The following SHQ1 variants were observed in gnomAD, a reference collection of about 807,000 sequenced individuals.
SHQ1 encodes the protein protein SHQ1 homolog.
A neutral mutation model predicts 53.8 loss-of-function variants in SHQ1; 49 were observed. That is an observed-to-expected ratio of 0.91 (90% CI 0.72 to 1.16). The LOEUF is 1.16. Ranked by LOEUF, SHQ1 falls within the 50% of genes most tolerant of loss-of-function variation. SHQ1 has a pLI of 0.00. For missense variants in SHQ1, 738 were observed against 683.1 expected (o/e 1.08, Z -0.90); for synonymous variants, 243 against 251.0 (o/e 0.97, Z 0.30).
chr3:72,778,823 A>G (rs1191525132), intron 10 of SHQ1, among the ~76,000 whole-genome samples: 1 of 152,212 alleles, frequency 6.6e-6, no homozygotes, highest in Admixed American at 6.5e-5. Context: ...TCCTCTAACA[A>G]AAGCCAAAAC....
the SHQ1 span, among the ~76,000 whole-genome samples, chr3:72,742,619 C>CTTTTTTTTTTTTTTTTTTTTTT: frequency 2.3e-5 from 3 of 128,612 alleles, 1 homozygote; most frequent in Non-Finnish European, 4.8e-5. Flanking sequence ...TTCTTTTTTT[C>CTTTTTTTTTTTTTTTTTTTTTT]TTTTTTTTTT....
chr3:72,742,619 C>CTTTTTTTTTT, the SHQ1 span, among the ~76,000 whole-genome samples: 15 of 128,606 alleles, frequency 1.2e-4, no homozygotes, highest in Admixed American at 2.4e-4. Context: ...TTCTTTTTTT[C>CTTTTTTTTTT]TTTTTTTTTT....
chr3:72,833,384 T>G (rs1292064575), intron 4 of SHQ1, among the ~76,000 whole-genome samples: 3 of 151,994 alleles, frequency 2.0e-5, no homozygotes, highest in Non-Finnish European at 2.9e-5. Context: ...GAGGCTGCAG[T>G]GAGCCAAGAT....
chr3:72,747,487 C>T (rs1005477944), downstream of SHQ1, among the ~76,000 whole-genome samples: 16 of 152,202 alleles, frequency 1.1e-4, no homozygotes, highest in African/African-American at 3.6e-4. Flanking sequence ...GTGAGATCTA[C>T]TGCTTTGAAA....
intron 10 of SHQ1, among the ~76,000 whole-genome samples, chr3:72,751,513 T>C (rs900366363): frequency 4.5e-5 from 6 of 131,892 alleles, no homozygotes; most frequent in East Asian, 4.2e-4. Context: ...TGTGTGTATA[T>C]ATATATATAT....
intron 10 of SHQ1, among the ~76,000 whole-genome samples, chr3:72,784,314 G>C (rs750462213): frequency 6.6e-6 from 1 of 152,100 alleles, no homozygotes; most frequent in Admixed American, 6.6e-5. Context: ...AGGAACATTT[G>C]TAATCCTGTG....
At chr3:72,843,683 C>T (rs754036494) in intron 2 of SHQ1, among the ~76,000 whole-genome samples, 19 of 152,212 alleles carry the variant, frequency 1.2e-4, no homozygotes, top group Non-Finnish European at 2.4e-4. Flanking sequence ...AAGGCAGTTT[C>T]ACTATACTTC....
the SHQ1 span, among the ~76,000 whole-genome samples, chr3:72,741,824 T>TA: frequency 9.9e-5 from 15 of 152,142 alleles, no homozygotes; most frequent in African/African-American, 3.6e-4. Context: ...TAAAATACAA[T>TA]AAAAAATGCA....
chr3:72,844,061 A>G (rs938848746), intron 2 of SHQ1, among the ~76,000 whole-genome samples: 2 of 152,242 alleles, frequency 1.3e-5, no homozygotes, highest in African/African-American at 4.8e-5. Context: ...ATGATCAATC[A>G]TTTCACATGT....
chr3:72,819,207 T>G (rs1242055211), intron 6 of SHQ1, among the ~76,000 whole-genome samples: 1 of 152,232 alleles, frequency 6.6e-6, no homozygotes, highest in Non-Finnish European at 1.5e-5. Flanking sequence ...TGCTCAACTT[T>G]AAGCACTAGT....
chr3:72,738,587 C>T, the SHQ1 span, among the ~76,000 whole-genome samples: 3 of 152,144 alleles, frequency 2.0e-5, no homozygotes, highest in African/African-American at 7.2e-5. Context: ...GGACAGCCTC[C>T]TCGTATTCCA....
At chr3:72,786,789 G>T (rs988590823) in intron 10 of SHQ1, among the ~76,000 whole-genome samples, 1 of 151,976 alleles carries the variant, frequency 6.6e-6, no homozygotes, top group Non-Finnish European at 1.5e-5. Context: ...GCACATAATA[G>T]AGCTCAATAA....
chr3:72,846,964 C>T (rs1257747741), intron 1 of SHQ1, among the ~76,000 whole-genome samples: 1 of 152,172 alleles, frequency 6.6e-6, no homozygotes, highest in African/African-American at 2.4e-5. Flanking sequence ...CCCAGAAAGG[C>T]TTTTCCTGAC....
intron 10 of SHQ1, among the ~76,000 whole-genome samples, chr3:72,751,509 T>TATATATAC (rs1705376810): frequency 1.1e-5 from 1 of 87,636 alleles, no homozygotes; most frequent in African/African-American, 6.7e-5. Context: ...TGTGTGTGTG[T>TATATATAC]ATATATATAT....
chr3:72,840,112 C>T (rs1188054624), intron 4 of SHQ1, among the ~76,000 whole-genome samples: 2 of 149,786 alleles, frequency 1.3e-5, no homozygotes. Flanking sequence ...ATTAGCCAGG[C>T]GTGGTGATGG....
chr3:72,762,682 T>C (rs1222575394), intron 10 of SHQ1, among the ~76,000 whole-genome samples: 2 of 146,576 alleles, frequency 1.4e-5, no homozygotes, highest in African/African-American at 5.5e-5. Flanking sequence ...TTGCCTCCAG[T>C]TTTTTTTCTT....
the SHQ1 span, among the ~76,000 whole-genome samples, chr3:72,739,372 CG>C: frequency 6.6e-6 from 1 of 152,100 alleles, no homozygotes; most frequent in African/African-American, 2.4e-5. Flanking sequence ...ACACACGCTG[CG>C]ATGCACCCTC....
chr3:72,768,515 C>T (rs1705781738), intron 10 of SHQ1, among the ~76,000 whole-genome samples: 1 of 152,200 alleles, frequency 6.6e-6, no homozygotes, highest in Non-Finnish European at 1.5e-5. Context: ...ACACACAGAG[C>T]GCAGAGCTGT....
intron 4 of SHQ1, among the ~76,000 whole-genome samples, chr3:72,834,902 C>T (rs1707942145): frequency 6.6e-6 from 1 of 152,084 alleles, no homozygotes; most frequent in Non-Finnish European, 1.5e-5. Flanking sequence ...CAAATTTGCA[C>T]AAACTTGGGC....
Sources: gnomAD v4.1 joint callset for allele counts (sites outside exome capture counted in the v4.1 genomes callset) on GRCh38, gnomAD v4.1.1 for gene constraint, MANE v1.5 for transcripts, NCBI Gene and HGNC (gene_info 2026-07-23, HGNC 2026-07-21) for gene names.